Variants in CHST8 observed in about 807,000 individuals in gnomAD.
CHST8 encodes carbohydrate sulfotransferase 8.
In CHST8, 10 loss-of-function variants were observed where a neutral mutation model predicts 15.0. The ratio of observed to expected loss-of-function variants is 0.67; its 90% CI spans 0.41 to 1.13. The LOEUF is 1.13. CHST8 is among the 50% of genes most tolerant of loss of function. CHST8 has a pLI of 0.00. For synonymous variants in CHST8, 259 were observed against 256.6 expected (o/e 1.01, Z -0.09); for missense variants, 634 against 608.2 (o/e 1.04, Z -0.45).
intron 3 of CHST8, among the ~76,000 whole-genome samples, chr19:33,759,720 C>T (rs1330763124): frequency 4.6e-5 from 7 of 152,202 alleles, no homozygotes; most frequent in Admixed American, 6.5e-5. Context: ...GATCTGTCCT[C>T]CTGCGCAGGG....
At chr19:33,622,494 G>A (rs1971997852) in intron 1 of CHST8, among the ~76,000 whole-genome samples, 198 bp downstream of exon 1, 1 of 152,216 alleles carries the variant, frequency 6.6e-6, no homozygotes, top group Admixed American at 6.5e-5. Flanking sequence ...TTGGGGACCG[G>A]CCCCGGTAGC....
At chr19:33,746,513 T>C (rs1974315422) in intron 3 of CHST8, among the ~76,000 whole-genome samples, 1 of 152,260 alleles carries the variant, frequency 6.6e-6, no homozygotes, top group Non-Finnish European at 1.5e-5. Context: ...ATGATCGTCA[T>C]GTATATGAGT....
intron 1 of CHST8, among the ~76,000 whole-genome samples, chr19:33,663,738 C>A (rs1018858837): frequency 3.9e-5 from 6 of 152,096 alleles, no homozygotes; most frequent in African/African-American, 1.4e-4. Flanking sequence ...GACATGGTGG[C>A]AGGTGCCTGT....
rs1361528776 is a variant in CHST8 at position 33,708,152 on chromosome 19, G to A, written c.130+18761G>A. ...TATTTTCTAGATATAAGTATTATTT[G>A]ACTTGCAAATAACTTATCCCATCTG... On this transcript the variant is annotated intron_variant, in intron 3 of 4. Transcript: ENST00000650847. Among the ~76,000 whole-genome samples the A allele has an allele frequency of 2.0e-5, 3 of 152,016 alleles. No individual in the cohort carries two copies. In the East Asian group the frequency reaches 5.8e-4, roughly 29 times the overall value.
chr19:33,715,357 G>C (rs191784187), intron 3 of CHST8, among the ~76,000 whole-genome samples: 1 of 152,338 alleles, frequency 6.6e-6, no homozygotes, highest in Non-Finnish European at 1.5e-5. Context: ...TCTTGGCTGG[G>C]TGGTAGCAGT....
At chr19:33,758,091 C>G (rs149574437) in intron 3 of CHST8, among the ~76,000 whole-genome samples, 3,202 of 143,168 alleles carry the variant, frequency 0.022, 51 homozygotes, top group East Asian at 0.031. Flanking sequence ...CTTGTCCCTG[C>G]AACCTGTGAA....
intron 3 of CHST8, among the ~76,000 whole-genome samples, chr19:33,701,192 C>T (rs1243893447): frequency 2.0e-5 from 3 of 152,088 alleles, no homozygotes; most frequent in Admixed American, 2.0e-4. Context: ...TCACCTGAGC[C>T]CAGGCCGTTC....
chr19:33,768,362 GC>G (rs569094302), intron 3 of CHST8, among the ~76,000 whole-genome samples: 54 of 152,238 alleles, frequency 3.5e-4, no homozygotes, highest in Admixed American at 3.1e-3. Context: ...ATTTCTTGAG[GC>G]CAGGTGTTTG....
chr19:33,653,281 A>G (rs1972471902), intron 1 of CHST8, among the ~76,000 whole-genome samples: 2 of 152,120 alleles, frequency 1.3e-5, no homozygotes, highest in Admixed American at 6.5e-5. Flanking sequence ...ATTTTCCTTT[A>G]GCTCTCTGAA....
At chr19:33,740,688 A>G (rs1383827628) in intron 3 of CHST8, among the ~76,000 whole-genome samples, 2 of 152,094 alleles carry the variant, frequency 1.3e-5, no homozygotes, top group African/African-American at 2.4e-5. Context: ...CCACCTACCT[A>G]TCTTCCCCAC....
Position 33,713,045 on chromosome 19 carries a change from G to A in CHST8, c.130+23654G>A, listed in dbSNP as rs549200378. On this transcript the variant is annotated intron_variant, in intron 3 of 4. Transcript: ENST00000650847. ...AGCAGCTGGGCATCGTTGATGAGGT[G>A]CTGAGCCCAGCATCGGGTGGCTGGC... Among the ~76,000 whole-genome samples, 23 of 152,282 alleles carry A rather than the reference G, an allele frequency of 1.5e-4. No homozygotes were observed. The East Asian group carries it at 4.5e-3, about 30-fold the overall frequency.
At chr19:33,758,572 T>C (rs1974652289) in intron 3 of CHST8, among the ~76,000 whole-genome samples, 1 of 152,198 alleles carries the variant, frequency 6.6e-6, no homozygotes, top group East Asian at 1.9e-4. Context: ...GCCAGCTCGG[T>C]AATTGACGTG....
chr19:33,769,612 G>T (rs1203154071), intron 3 of CHST8, among the ~76,000 whole-genome samples: 1 of 152,062 alleles, frequency 6.6e-6, no homozygotes, highest in African/African-American at 2.4e-5. Context: ...AGGAGGGGGT[G>T]GCTGTCAAGG....
intron 3 of CHST8, among the ~76,000 whole-genome samples, chr19:33,698,133 C>T (rs181029617): frequency 1.2e-4 from 19 of 152,234 alleles, no homozygotes; most frequent in African/African-American, 2.4e-4. Flanking sequence ...AAAAATAAGC[C>T]GGGCGTGATG....
At position 33,647,212 on chromosome 19, in the gene CHST8, A is replaced by G. The variant is rs10413778; in HGVS notation, c.-163-20555A>G. Among the ~76,000 whole-genome samples the G allele has an allele frequency of 3.2e-3, 487 of 152,356 alleles. 2 individuals are homozygous for G. The highest frequency in any genetic ancestry group is 0.011 in the African/African-American group (471 of 41,582). On this transcript the variant is annotated intron_variant, in intron 1 of 4. Transcript: ENST00000650847. ...AGGACCAATAACTGAGAGCGGGAAT[A>G]TTCCAACGCGAAGACTCCAGGGAGA...
intron 3 of CHST8, among the ~76,000 whole-genome samples, chr19:33,713,028 G>C (rs960151883): frequency 6.6e-5 from 10 of 152,104 alleles, no homozygotes; most frequent in African/African-American, 2.2e-4. Context: ...AGAGCAGCTG[G>C]GCATCGTTGA....
chr19:33,772,058 A>G lies in CHST8; in HGVS notation c.270A>G (p.Pro90=), dbSNP rs776377779. The G allele has an allele frequency of 6.2e-7, 1 of 1,612,398 alleles. No homozygotes were observed. The highest frequency in any genetic ancestry group is 8.5e-7 in the Non-Finnish European group (1 of 1,179,786). Residue 90 remains proline, a synonymous_variant, in exon 5 of 5, where the codon CCA becomes CCG. Transcript: ENST00000650847. ...SSGAPRGRNL[P]APDQPQPPLQ... ...GGGCCCCGAGGGGCCGCAACCTGCC[A>G]GCGCCTGACCAGCCTCAACCCCCGC...
intron 1 of CHST8, among the ~76,000 whole-genome samples, chr19:33,650,018 G>C (rs996235679): frequency 6.6e-6 from 1 of 152,090 alleles, no homozygotes; most frequent in Non-Finnish European, 1.5e-5. Context: ...TCCTTGCCTG[G>C]CATGGCCTTA....
At chr19:33,644,608 G>T (rs1030072482) in intron 1 of CHST8, among the ~76,000 whole-genome samples, 2 of 152,082 alleles carry the variant, frequency 1.3e-5, no homozygotes, top group Admixed American at 1.3e-4. Context: ...AGGCATGGTG[G>T]TGTGCACTTG....
Sources: gnomAD v4.1 joint callset for allele counts (sites outside exome capture counted in the v4.1 genomes callset) on GRCh38, gnomAD v4.1.1 for gene constraint, MANE v1.5 for transcripts, NCBI Gene and HGNC (gene_info 2026-07-23, HGNC 2026-07-21) for gene names.